Variants in WDR41 observed in about 807,000 individuals in gnomAD.
WDR41 encodes the protein WD repeat domain 41.
Under a neutral mutation model 69.3 loss-of-function variants are expected in WDR41, and 63 were observed. The observed-to-expected ratio is 0.91, with a 90% CI of 0.74 to 1.12. The LOEUF (loss-of-function observed/expected upper bound fraction) is 1.12. Among genes scored for constraint, WDR41 ranks in the 50% most tolerant of loss-of-function variants. The probability of loss-of-function intolerance (pLI) is 0.00; values close to 1 mark genes in which losing one functional copy is unlikely to be tolerated. For missense variants in WDR41, 543 were observed against 534.5 expected (o/e 1.02, Z -0.16); for synonymous variants, 185 against 192.1 (o/e 0.96, Z 0.31).
At chr5:77,567,663 TAAA>T (rs60723638) in intron 1 of WDR41, among the ~76,000 whole-genome samples, 89 of 106,362 alleles carry the variant, frequency 8.4e-4, no homozygotes, top group African/African-American at 2.5e-3. Context: ...AACCAAATAG[TAAA>T]AAAAAAAAAA....
chr5:77,442,894 C>CCAAAAAAAAAA (rs777919443), intron 8 of WDR41, among the ~76,000 whole-genome samples: 4 of 56,264 alleles, frequency 7.1e-5, no homozygotes, highest in African/African-American at 3.0e-4. Context: ...TCTGTCTCCC[C>CCAAAAAAAAAA]AAAAAAAAAA....
intron 1 of WDR41, among the ~76,000 whole-genome samples, chr5:77,548,513 A>C (rs555311446): frequency 6.7e-6 from 1 of 148,794 alleles, no homozygotes; most frequent in South Asian, 2.3e-4. Context: ...AATGGCCAAC[A>C]AACATGTGAA....
chr5:77,485,299 G>A (rs929140417), intron 2 of WDR41, among the ~76,000 whole-genome samples: 5 of 152,288 alleles, frequency 3.3e-5, no homozygotes, highest in East Asian at 1.9e-4. Flanking sequence ...ACTGATTTCT[G>A]TTCTCTGAAG....
chr5:77,602,330 G>A (rs6871026), intron 1 of WDR41, among the ~76,000 whole-genome samples: 44,820 of 151,850 alleles, frequency 0.3, 7,144 homozygotes, highest in Non-Finnish European at 0.35. Flanking sequence ...GGTAGAGACG[G>A]GGTTTCTCTA....
At chr5:77,587,958 C>T (rs932712946) in intron 1 of WDR41, among the ~76,000 whole-genome samples, 1 of 152,070 alleles carries the variant, frequency 6.6e-6, no homozygotes, top group Non-Finnish European at 1.5e-5. Flanking sequence ...GAACTTTTGG[C>T]CTCTAGAACT....
intron 1 of WDR41, among the ~76,000 whole-genome samples, chr5:77,587,459 C>T (rs955650598): frequency 1.3e-5 from 2 of 152,204 alleles, no homozygotes; most frequent in African/African-American, 4.8e-5. Flanking sequence ...CATATACTCT[C>T]ACCAGCAGTA....
At chr5:77,588,394 C>CA (rs1168071415) in intron 1 of WDR41, among the ~76,000 whole-genome samples, 1 of 152,096 alleles carries the variant, frequency 6.6e-6, no homozygotes, top group East Asian at 1.9e-4. Flanking sequence ...TGATTTTTTA[C>CA]AAAATGTATT....
chr5:77,618,416 A>G (rs2112353107), intron 1 of WDR41, among the ~76,000 whole-genome samples: 1 of 152,000 alleles, frequency 6.6e-6, no homozygotes, highest in Admixed American at 6.6e-5. Flanking sequence ...TTTGTCACCC[A>G]GGCTAGAGTG....
At chr5:77,502,607 G>A (rs1802037184) in intron 1 of WDR41, among the ~76,000 whole-genome samples, 2 of 152,138 alleles carry the variant, frequency 1.3e-5, no homozygotes, top group African/African-American at 2.4e-5. Context: ...AAAATGTTAA[G>A]GGCAGCCAGA....
At chr5:77,600,794 C>T (rs897993741) in intron 1 of WDR41, among the ~76,000 whole-genome samples, 6 of 151,980 alleles carry the variant, frequency 3.9e-5, no homozygotes, top group Admixed American at 1.3e-4. Context: ...GCAGGAGGAT[C>T]GCTTGAACTT....
At chr5:77,479,757 G>C (rs1055153109) in intron 2 of WDR41, among the ~76,000 whole-genome samples, 2 of 152,082 alleles carry the variant, frequency 1.3e-5, no homozygotes, top group Non-Finnish European at 2.9e-5. Flanking sequence ...CAGGACATAG[G>C]CATGGGCAAG....
chr5:77,587,941 G>A (rs1222993086), intron 1 of WDR41, among the ~76,000 whole-genome samples: 1 of 152,058 alleles, frequency 6.6e-6, no homozygotes, highest in Non-Finnish European at 1.5e-5. Context: ...TCTACCAATA[G>A]GATCTTGAAC....
intron 1 of WDR41, among the ~76,000 whole-genome samples, chr5:77,505,371 T>C (rs1173523857): frequency 6.6e-6 from 1 of 151,932 alleles, no homozygotes; most frequent in Admixed American, 6.6e-5. Context: ...CTCAATGAAA[T>C]AAAAGAGGAT....
intron 8 of WDR41, among the ~76,000 whole-genome samples, chr5:77,447,620 C>T (rs1221930684): frequency 2.6e-5 from 4 of 152,196 alleles, no homozygotes; most frequent in Admixed American, 2.0e-4. Flanking sequence ...TTTGCAGGGA[C>T]ATAGTCATGA....
At chr5:77,453,036 T>C (rs1442454245) in intron 6 of WDR41, among the ~76,000 whole-genome samples, 2 of 152,226 alleles carry the variant, frequency 1.3e-5, no homozygotes, top group African/African-American at 2.4e-5. Context: ...AGTGGTTAAA[T>C]TGTAAACCCT....
At chr5:77,599,302 G>GTGAT (rs1744284352) in intron 1 of WDR41, among the ~76,000 whole-genome samples, 1 of 144,428 alleles carries the variant, frequency 6.9e-6, no homozygotes, top group Admixed American at 7.5e-5. Flanking sequence ...TGGGGATCAA[G>GTGAT]TGATTCTCCT....
At chr5:77,453,963 A>G in intron 5 of WDR41, 35 bp from the exon 6 acceptor site, 1 of 1,512,088 alleles carries the variant, frequency 6.6e-7, no homozygotes, top group Non-Finnish European at 9.2e-7. Context: ...ATCAGGTTAG[A>G]AACTTAAGCA....
chr5:77,466,252 T>G, intron 2 of WDR41, among the ~76,000 whole-genome samples: 1 of 151,958 alleles, frequency 6.6e-6, no homozygotes, highest in East Asian at 1.9e-4. Context: ...AAAATGATCA[T>G]TTTTAAAATA....
At chr5:77,477,082 A>G (rs1391302393) in intron 2 of WDR41, among the ~76,000 whole-genome samples, 2 of 148,798 alleles carry the variant, frequency 1.3e-5, no homozygotes, top group Non-Finnish European at 2.9e-5. Context: ...AAAGAAGGCC[A>G]TTACATCATG....
Sources: allele counts gnomAD v4.1 joint callset (sites outside exome capture counted in the v4.1 genomes callset), GRCh38; gene constraint gnomAD v4.1.1; transcripts MANE v1.5; gene names NCBI Gene and HGNC (gene_info 2026-07-23, HGNC 2026-07-21).